GABBR2: variants seen among roughly 807,000 people sequenced by gnomAD.
GABBR2 encodes the protein gamma-aminobutyric acid type B receptor subunit 2.
In GABBR2, 23 loss-of-function variants were observed where a neutral mutation model predicts 105.6. The observed-to-expected ratio is 0.22, with a 90% CI of 0.16 to 0.31. GABBR2 has a LOEUF of 0.31. GABBR2 is among the 10% of genes least tolerant of loss of function. The pLI, the probability that GABBR2 is intolerant of heterozygous loss-of-function variation, is 1.00. For synonymous variants in GABBR2, 478 were observed against 499.7 expected, an observed-to-expected ratio of 0.96 and a Z score of 0.58; for missense variants, 734 against 1,245.5, an observed-to-expected ratio of 0.59 and a Z score of 6.18.
intron 2 of GABBR2, among the ~76,000 whole-genome samples, chr9:98,544,947 C>A (rs1828372553): frequency 1.3e-5 from 2 of 152,184 alleles, no homozygotes; most frequent in African/African-American, 2.4e-5. Context: ...AAAAACACTG[C>A]AAGCCTCCTA....
rs2808536 is a variant in GABBR2, at chr9:98,578,019, A to C, written c.375T>G (p.Pro125=). The C allele has an allele frequency of 0.71, 1,150,229 of 1,613,078 alleles. 414,959 individuals are homozygous for C. The highest frequency in any genetic ancestry group is 0.95 in the African/African-American group (71,205 of 75,038). The change falls in exon 2 of 19, where the codon CCT becomes CCG. Residue 125 remains proline, a synonymous_variant. Transcript: ENST00000259455. ...KAFYDAIKYG[P]NHLMVFGGVC... is the part of the protein sequence containing the mutation. ...CGCCTCCAAACACCATCAAGTGGTT[A>C]GGCCCGTATTTTATTGCATCGTAGA...
At chr9:98,598,695 T>C (rs1212224596) in intron 1 of GABBR2, among the ~76,000 whole-genome samples, 2 of 151,816 alleles carry the variant, frequency 1.3e-5, no homozygotes, top group Non-Finnish European at 1.5e-5. Flanking sequence ...CAACCAGGGG[T>C]GCGCACACAG....
chr9:98,505,769 G>A (rs544995501), intron 3 of GABBR2, among the ~76,000 whole-genome samples: 3 of 152,306 alleles, frequency 2.0e-5, no homozygotes, highest in African/African-American at 7.2e-5. Flanking sequence ...AGCACCTGGA[G>A]CCACCAGAAG....
chr9:98,703,947 TTA>T (rs921245470), intron 1 of GABBR2, among the ~76,000 whole-genome samples: 15 of 151,484 alleles, frequency 9.9e-5, no homozygotes, highest in African/African-American at 2.9e-4. Context: ...AAAGAGTGAT[TTA>T]TATATATATA....
chr9:98,627,273 C>T (rs1588258763), intron 1 of GABBR2, among the ~76,000 whole-genome samples: 1 of 152,110 alleles, frequency 6.6e-6, no homozygotes, highest in South Asian at 2.1e-4. Context: ...AGCTGTGGCC[C>T]TCTCCATCAT....
chr9:98,412,945 G>A (rs1355532754), intron 7 of GABBR2, among the ~76,000 whole-genome samples: 4 of 152,220 alleles, frequency 2.6e-5, no homozygotes, highest in Non-Finnish European at 5.9e-5. Flanking sequence ...CTACGCGGCT[G>A]TCTAGACTTT....
intron 7 of GABBR2, among the ~76,000 whole-genome samples, chr9:98,436,732 A>G (rs1752236845): frequency 6.6e-6 from 1 of 152,002 alleles, no homozygotes; most frequent in South Asian, 2.1e-4. Flanking sequence ...TTTTGCTTAA[A>G]TACTTTCAGA....
intron 13 of GABBR2, among the ~76,000 whole-genome samples, chr9:98,332,308 CA>C (rs1831041735): frequency 6.6e-6 from 1 of 152,116 alleles, no homozygotes; most frequent in African/African-American, 2.4e-5. Flanking sequence ...GGGAGGTTGG[CA>C]GGGTAGTTAT....
At chr9:98,415,084 A>C (rs2131545273) in intron 7 of GABBR2, among the ~76,000 whole-genome samples, 1 of 152,312 alleles carries the variant, frequency 6.6e-6, no homozygotes, top group South Asian at 2.1e-4. Context: ...AAAAAGTAAA[A>C]AACAAAACAA....
At chr9:98,337,156 T>G (rs1012660893) in intron 13 of GABBR2, among the ~76,000 whole-genome samples, 2 of 151,974 alleles carry the variant, frequency 1.3e-5, no homozygotes, top group Non-Finnish European at 2.9e-5. Context: ...AATACAAAAA[T>G]TAGCCAGGCA....
In GABBR2 at chr9:98,679,059, A is replaced by G. The variant is rs1450635053; in HGVS notation, c.321+29358T>C. Among the ~76,000 whole-genome samples, 13 of 152,182 alleles carry G rather than the reference A, an allele frequency of 8.5e-5. 1 individual carries two copies. Among genetic ancestry groups the G allele is most frequent in the Admixed American group, 8.5e-4 (13 of 15,272 alleles). On this transcript the variant is annotated intron_variant, in intron 1 of 18. Transcript: ENST00000259455. ...AAAGAGGATACCTCCAGGACATGAC[A>G]AAGTCTGCTGCAAATAGCCAGTACC...
Position 98,648,080 on chromosome 9 carries a change from G to GGTGTGTGTGTGTGTGTGTGT in GABBR2, c.321+60317_321+60336dup, listed in dbSNP as rs1554723457. Reference sequence around the variant, plus strand: ...CCCCTTTCTATCATTAATCATACAGGGTGTGTGTGTGTGTGTGTGTGTGTG... The same window carrying GGTGTGTGTGTGTGTGTGTGT: ...CCCCTTTCTATCATTAATCATACAGGGTGTGTGTGTGTGTGTGTGTGTGTGTGTGTGTGTGTGTGTGTGTG... On this transcript the variant is annotated intron_variant, in intron 1 of 18. Coordinates refer to ENST00000259455, the MANE Select transcript of GABBR2 (RefSeq NM_005458.8). 2.1e-3 allele frequency among the ~76,000 whole-genome samples: 144 copies of GGTGTGTGTGTGTGTGTGTGT among 67,994 alleles called. 5 individuals carry two copies. The highest frequency in any genetic ancestry group is 6.7e-3 in the African/African-American group (105 of 15,600). The allele number at this position is 67,994 out of a possible 152,430, so 44.6% of individuals were successfully genotyped here.
intron 7 of GABBR2, among the ~76,000 whole-genome samples, chr9:98,450,680 G>A (rs1211347204): frequency 6.6e-6 from 1 of 152,142 alleles, no homozygotes; most frequent in Non-Finnish European, 1.5e-5. Flanking sequence ...TGAATTTGAG[G>A]ATATTTAAGA....
chr9:98,424,891 A>C (rs1325485322), intron 7 of GABBR2, among the ~76,000 whole-genome samples: 2 of 152,112 alleles, frequency 1.3e-5, no homozygotes, highest in South Asian at 2.1e-4. Flanking sequence ...CAATATCGTG[A>C]AAATGGCCAT....
intron 3 of GABBR2, among the ~76,000 whole-genome samples, chr9:98,515,310 T>C (rs891492377): frequency 6.6e-6 from 1 of 152,084 alleles, no homozygotes; most frequent in African/African-American, 2.4e-5. Context: ...CCTGCAGAAA[T>C]AGGACAGCTT....
At chr9:98,511,325 CTAACATCACAATTAAAAGA>C (rs1293259599) in intron 3 of GABBR2, among the ~76,000 whole-genome samples, 1 of 150,458 alleles carries the variant, frequency 6.6e-6, no homozygotes, top group Non-Finnish European at 1.5e-5. Flanking sequence ...AATTGACACC[CTAACATCACAATTAAAAGA>C]ACTAGAAAAG....
intron 11 of GABBR2, among the ~76,000 whole-genome samples, chr9:98,384,655 G>A: frequency 6.6e-6 from 1 of 152,180 alleles, no homozygotes; most frequent in South Asian, 2.1e-4. Context: ...TTTTTAACAT[G>A]TTAATTAACT....
intron 1 of GABBR2, among the ~76,000 whole-genome samples, chr9:98,612,447 C>T (rs1293336914): frequency 1.3e-5 from 2 of 152,190 alleles, no homozygotes; most frequent in African/African-American, 2.4e-5. Context: ...ACTAGAGGGC[C>T]GCTTCTAACC....
chr9:98,397,707 C>A (rs946568058), intron 8 of GABBR2, among the ~76,000 whole-genome samples: 8 of 152,212 alleles, frequency 5.3e-5, no homozygotes. Context: ...CCTGTCCAAA[C>A]CCTACCTGCC....
Sources: gnomAD v4.1 joint callset for allele counts (sites outside exome capture counted in the v4.1 genomes callset) on GRCh38, gnomAD v4.1.1 for gene constraint, MANE v1.5 for transcripts, NCBI Gene and HGNC (gene_info 2026-07-23, HGNC 2026-07-21) for gene names.